The following MAP4K3 variants were observed in gnomAD, a reference collection of about 807,000 sequenced individuals.
MAP4K3 encodes the protein mitogen-activated protein kinase kinase kinase kinase 3.
In MAP4K3, 94 loss-of-function variants were observed where a neutral mutation model predicts 143.5. The observed-to-expected ratio is 0.65, with a 90% CI of 0.55 to 0.78. The LOEUF (loss-of-function observed/expected upper bound fraction) is 0.78. MAP4K3 is among the 30% of genes least tolerant of loss of function. The pLI is 0.00. For missense variants in MAP4K3, 1,077 were observed against 1,068.1 expected (o/e 1.01, Z -0.12); for synonymous variants, 416 against 347.2 (o/e 1.20, Z -2.20).
chr2:39,272,238 G>T, intron 26 of MAP4K3, 45 bp downstream of exon 26: 1 of 1,361,726 alleles, frequency 7.3e-7, no homozygotes. Flanking sequence ...ATATTTATGA[G>T]AATGAACTGT....
At chr2:39,341,187 A>G (rs1665129402) in intron 4 of MAP4K3, among the ~76,000 whole-genome samples, 1 of 152,236 alleles carries the variant, frequency 6.6e-6, no homozygotes, top group Non-Finnish European at 1.5e-5. Flanking sequence ...AGGATCAATA[A>G]TTAGACTGAC....
chr2:39,309,343 C>A, intron 14 of MAP4K3, 118 bp downstream of exon 14: 1 of 703,924 alleles, frequency 1.4e-6, no homozygotes, highest in Non-Finnish European at 2.3e-6. Flanking sequence ...CAGGCTGGGA[C>A]CTCGAATGTT....
At chr2:39,297,759 A>T (rs1255115571) in intron 16 of MAP4K3, among the ~76,000 whole-genome samples, 2 of 152,178 alleles carry the variant, frequency 1.3e-5, no homozygotes, top group Middle Eastern at 3.2e-3. Flanking sequence ...TGTCACATGT[A>T]TGTCTATACC....
chr2:39,282,700 T>C (rs17506209), intron 21 of MAP4K3, 146 bp from the exon 22 acceptor site: 12,413 of 612,408 alleles, frequency 0.02, 195 homozygotes, highest in Non-Finnish European at 0.027. Flanking sequence ...AAGTTCCCCA[T>C]AATTCTTTCA....
chr2:39,380,650 C>G (rs1023955629), intron 1 of MAP4K3, among the ~76,000 whole-genome samples: 2 of 152,266 alleles, frequency 1.3e-5, no homozygotes, highest in East Asian at 1.9e-4. Context: ...CAACACTGAT[C>G]TGACCACCAT....
chr2:39,272,242 G>C (rs1454696299), intron 26 of MAP4K3, 41 bp downstream of exon 26: 1 of 1,380,282 alleles, frequency 7.2e-7, no homozygotes, highest in Middle Eastern at 1.8e-4. Context: ...TTATGAGAAT[G>C]AACTGTTAAT....
intron 4 of MAP4K3, among the ~76,000 whole-genome samples, chr2:39,340,866 G>A (rs1455177951): frequency 6.6e-6 from 1 of 152,096 alleles, no homozygotes; most frequent in Non-Finnish European, 1.5e-5. Context: ...CAGTAAACTG[G>A]AAGATAGATA....
chr2:39,282,992 G>C (rs1681604693), intron 21 of MAP4K3, among the ~76,000 whole-genome samples: 1 of 152,096 alleles, frequency 6.6e-6, no homozygotes, highest in South Asian at 2.1e-4. Flanking sequence ...CTGCAGCATG[G>C]CATAAATATA....
At chr2:39,400,029 T>C (rs911274171) in intron 1 of MAP4K3, among the ~76,000 whole-genome samples, 7 of 152,108 alleles carry the variant, frequency 4.6e-5, no homozygotes, top group African/African-American at 1.4e-4. Context: ...CTCAGACCCA[T>C]ATAACCAACT....
intron 3 of MAP4K3, among the ~76,000 whole-genome samples, chr2:39,351,017 T>C (rs1330303698): frequency 3.3e-5 from 5 of 152,192 alleles, no homozygotes; most frequent in Admixed American, 1.3e-4. Context: ...ACTATTTACA[T>C]AGCATTTACA....
chr2:39,386,190 A>G (rs1433662454), intron 1 of MAP4K3, among the ~76,000 whole-genome samples: 1 of 152,222 alleles, frequency 6.6e-6, no homozygotes, highest in Non-Finnish European at 1.5e-5. Context: ...ATACATGCAC[A>G]GTGAAAAGGC....
At chr2:39,300,473 G>A (rs977591302) in intron 15 of MAP4K3, among the ~76,000 whole-genome samples, 5 of 152,186 alleles carry the variant, frequency 3.3e-5, no homozygotes, top group Non-Finnish European at 7.4e-5. Context: ...CAGTACACAT[G>A]CTCAACTCAA....
At position 39,258,336 on chromosome 2, in the gene MAP4K3, A is replaced by G; in HGVS notation, c.2470+12T>C. The G allele has an allele frequency of 1.3e-6, 2 of 1,536,264 alleles. No individual in the cohort carries two copies. The highest frequency in any genetic ancestry group is 2.3e-5 in the South Asian group (2 of 85,348). On this transcript the variant is annotated intron_variant, in intron 31 of 33. Coordinates refer to ENST00000263881, the MANE Select transcript of MAP4K3 (RefSeq NM_003618.4). ...AGTTCATAATGCAAAGAATTATAAA[A>G]CTTTGACTTACCTATTGATTCAATC...
chr2:39,418,711 C>A lies in MAP4K3; in HGVS notation c.96+18181G>T, dbSNP rs756177597. Among the ~76,000 whole-genome samples the A allele has an allele frequency of 4.8e-4, 73 of 151,922 alleles. 1 individual carries two copies. Among genetic ancestry groups the A allele is most frequent in the Non-Finnish European group, 2.1e-4 (14 of 67,992 alleles). ...ACTTCATTCTCCCTAGAATCTATAACCGCAATCTAACCATGAGAAAAAAAA... is the reference window on the plus strand; with the variant it reads ...ACTTCATTCTCCCTAGAATCTATAAACGCAATCTAACCATGAGAAAAAAAA... On this transcript the variant is annotated intron_variant, in intron 1 of 33. Coordinates refer to ENST00000263881, the MANE Select transcript of MAP4K3 (RefSeq NM_003618.4).
rs1665519025 is a variant in MAP4K3 at position 39,437,131 on chromosome 2, CCGCCGCCGCTCCCCTCA to C, written c.-161_-145del. On this transcript the variant is annotated 5_prime_UTR_variant, in exon 1 of 34. Transcript: ENST00000263881. ...CGGCTCCACGCTGCGGCCGCCGCCG[CCGCCGCCGCTCCCCTCA>C]CGCCGCTGCGGACGACGACAAGCGG... The C allele has an allele frequency of 4.1e-6, 2 of 485,160 alleles. No individual in the cohort carries two copies. Among genetic ancestry groups the C allele is most frequent in the Non-Finnish European group, 6.9e-6 (2 of 289,312 alleles). 30.1% of individuals were successfully genotyped at this position (485,160 alleles called of 1,614,324 possible).
rs966266185 is a variant in MAP4K3, at chr2:39,281,831, T to C, written c.1629+682A>G. Among the ~76,000 whole-genome samples the C allele has an allele frequency of 5.3e-5, 8 of 150,776 alleles. 1 individual carries two copies. The highest frequency in any genetic ancestry group is 5.3e-4 in the Admixed American group (8 of 15,108). ...TTAAGTATTATATAAATTACAAATA[T>C]AAAGTATATATATTTTGTAACATAC... On this transcript the variant is annotated intron_variant, in intron 22 of 33. Coordinates refer to ENST00000263881, the MANE Select transcript of MAP4K3 (RefSeq NM_003618.4).
chr2:39,307,048 T>C (rs989088699), intron 15 of MAP4K3, among the ~76,000 whole-genome samples: 6 of 152,352 alleles, frequency 3.9e-5, no homozygotes, highest in African/African-American at 1.4e-4. Flanking sequence ...CTCTTTTATA[T>C]TTTACAAATG....
intron 28 of MAP4K3, among the ~76,000 whole-genome samples, chr2:39,264,961 T>C (rs6714566): frequency 0.69 from 104,506 of 152,136 alleles, 39,700 homozygotes; most frequent in Non-Finnish European, 0.84. Context: ...TCAGGCTCTG[T>C]ATGTGAGACA....
chr2:39,315,248 G>T (rs911724100), intron 13 of MAP4K3, 62 bp downstream of exon 13: 2 of 1,166,374 alleles, frequency 1.7e-6, no homozygotes, highest in Non-Finnish European at 2.4e-6. Flanking sequence ...AAAAATAACT[G>T]TAACTAAATT....
Sources: allele counts gnomAD v4.1 joint callset (sites outside exome capture counted in the v4.1 genomes callset), GRCh38; gene constraint gnomAD v4.1.1; transcripts MANE v1.5; gene names NCBI Gene and HGNC (gene_info 2026-07-23, HGNC 2026-07-21).